PCDH15: variants seen among roughly 807,000 people sequenced by gnomAD.
PCDH15 encodes protocadherin-15.
Under a neutral mutation model 178.5 loss-of-function variants are expected in PCDH15, and 129 were observed. The ratio of observed to expected loss-of-function variants is 0.72; its 90% CI spans 0.63 to 0.84. PCDH15 has a LOEUF of 0.84. Ranked by LOEUF, PCDH15 falls within the 40% of genes least tolerant of loss-of-function variation. The pLI, the probability that PCDH15 is intolerant of heterozygous loss-of-function variation, is 0.00. For synonymous variants in PCDH15, 800 were observed against 732.0 expected (o/e 1.09, Z -1.50); for missense variants, 2,230 against 2,099.9 (o/e 1.06, Z -1.21).
intron 21 of PCDH15, among the ~76,000 whole-genome samples, chr10:53,966,464 A>G (rs1281451261): frequency 6.6e-6 from 1 of 151,852 alleles, no homozygotes; most frequent in Admixed American, 6.6e-5. Context: ...CTTCTTTCCA[A>G]AGTCTTTTTA....
intron 15 of PCDH15, among the ~76,000 whole-genome samples, chr10:54,100,198 C>A (rs760206566): frequency 2.0e-5 from 3 of 151,922 alleles, no homozygotes; most frequent in African/African-American, 4.8e-5. Context: ...AAACCTGTCA[C>A]TACTAAAAAC....
At chr10:53,825,358 CTT>C (rs1348738485) in intron 32 of PCDH15, among the ~76,000 whole-genome samples, 4 of 151,808 alleles carry the variant, frequency 2.6e-5, no homozygotes, top group African/African-American at 4.8e-5. Flanking sequence ...ATTTGAATGT[CTT>C]TTCACAGAAA....
chr10:54,773,332 A>T (rs1949312069), intron 1 of PCDH15, among the ~76,000 whole-genome samples: 2 of 152,312 alleles, frequency 1.3e-5, no homozygotes, highest in Admixed American at 6.5e-5. Flanking sequence ...CAAATGCTTA[A>T]TTCTCCTAAT....
At chr10:54,207,218 A>AT (rs1010524761) in intron 10 of PCDH15, among the ~76,000 whole-genome samples, 13 of 152,152 alleles carry the variant, frequency 8.5e-5, no homozygotes, top group Non-Finnish European at 1.6e-4. Flanking sequence ...ACAAGAGGAC[A>AT]TCATACTTCC....
At chr10:54,817,369 AT>A (rs1350372795) in intron 3 of PCDH15, among the ~76,000 whole-genome samples, 1 of 151,998 alleles carries the variant, frequency 6.6e-6, no homozygotes, top group Non-Finnish European at 1.5e-5. Flanking sequence ...TTCTAAGTTA[AT>A]TTTCTATTAT....
intron 20 of PCDH15, among the ~76,000 whole-genome samples, chr10:54,004,692 G>T (rs1564985453): frequency 6.6e-6 from 1 of 151,964 alleles, no homozygotes; most frequent in Non-Finnish European, 1.5e-5. Flanking sequence ...CATGGTCATG[G>T]ATTGCAATAA....
At chr10:55,586,865 T>G (rs951170071) in intron 2 of PCDH15, among the ~76,000 whole-genome samples, 3 of 152,126 alleles carry the variant, frequency 2.0e-5, no homozygotes, top group Non-Finnish European at 2.9e-5. Flanking sequence ...TTATTTGCAA[T>G]AGAAGTGTAT....
At chr10:55,196,034 G>T (rs1040068333) in intron 1 of PCDH15, among the ~76,000 whole-genome samples, 1 of 151,998 alleles carries the variant, frequency 6.6e-6, no homozygotes, top group African/African-American at 2.4e-5. Context: ...AGACACTATT[G>T]ACCAATTGTC....
chr10:54,089,930 C>A (rs878945475), intron 16 of PCDH15, 54 bp downstream of exon 16: 1 of 1,363,016 alleles, frequency 7.3e-7, no homozygotes, highest in Non-Finnish European at 1.0e-6. Flanking sequence ...TGCTTTCTTA[C>A]TAACAGTACG....
At chr10:55,214,204 C>A (rs1840640984) in intron 1 of PCDH15, among the ~76,000 whole-genome samples, 1 of 151,976 alleles carries the variant, frequency 6.6e-6, no homozygotes, top group Non-Finnish European at 1.5e-5. Flanking sequence ...ACTTGGAAAG[C>A]AAAGGTGTGT....
chr10:55,274,474 G>T (rs998308038), intron 1 of PCDH15, among the ~76,000 whole-genome samples: 3 of 151,966 alleles, frequency 2.0e-5, no homozygotes, highest in Admixed American at 2.0e-4. Flanking sequence ...TTAAGAGAAA[G>T]CATAGGGTGT....
At chr10:54,114,731 G>A (rs1426613632) in intron 15 of PCDH15, among the ~76,000 whole-genome samples, 1 of 152,078 alleles carries the variant, frequency 6.6e-6, no homozygotes, top group Non-Finnish European at 1.5e-5. Context: ...TCTGCAGGAA[G>A]GGAAAAACTA....
At chr10:54,731,119 G>T (rs1040923079) in intron 1 of PCDH15, among the ~76,000 whole-genome samples, 1 of 151,218 alleles carries the variant, frequency 6.6e-6, no homozygotes, top group African/African-American at 2.4e-5. Flanking sequence ...TTTTTCTAAA[G>T]AGACATACAA....
chr10:54,935,053 G>C (rs1837870859), intron 2 of PCDH15, among the ~76,000 whole-genome samples: 1 of 150,494 alleles, frequency 6.6e-6, no homozygotes, highest in Admixed American at 6.6e-5. Context: ...ACACAGGAAG[G>C]GGAACATCAC....
intron 25 of PCDH15, among the ~76,000 whole-genome samples, chr10:53,922,452 G>C (rs984306017): frequency 6.6e-6 from 1 of 152,150 alleles, no homozygotes; most frequent in Non-Finnish European, 1.5e-5. Context: ...AAAGGTTAGA[G>C]AAGTTTGTAA....
chr10:55,472,300 A>G (rs1313134574), intron 2 of PCDH15, among the ~76,000 whole-genome samples: 1 of 152,170 alleles, frequency 6.6e-6, no homozygotes, highest in Non-Finnish European at 1.5e-5. Context: ...TACAGTGCCA[A>G]TTATGCTTTC....
intron 2 of PCDH15, among the ~76,000 whole-genome samples, chr10:55,025,484 A>G (rs1228561705): frequency 6.6e-6 from 1 of 152,096 alleles, no homozygotes; most frequent in South Asian, 2.1e-4. Context: ...ATTCTTTAAA[A>G]CCATATGACA....
intron 2 of PCDH15, among the ~76,000 whole-genome samples, chr10:55,571,504 G>T (rs1418271639): frequency 1.3e-5 from 2 of 151,916 alleles, no homozygotes; most frequent in African/African-American, 4.8e-5. Flanking sequence ...TTATTAATAG[G>T]TAATAATTTA....
At chr10:54,535,449 G>A (rs530724564) in intron 2 of PCDH15, among the ~76,000 whole-genome samples, 4 of 152,154 alleles carry the variant, frequency 2.6e-5, no homozygotes, top group East Asian at 3.9e-4. Flanking sequence ...GGTGGCTCAC[G>A]CCTGTAATCC....
Sources: gnomAD v4.1 joint callset for allele counts (sites outside exome capture counted in the v4.1 genomes callset) on GRCh38, gnomAD v4.1.1 for gene constraint, MANE v1.5 for transcripts, NCBI Gene and HGNC (gene_info 2026-07-23, HGNC 2026-07-21) for gene names.